TEX9: variants seen among roughly 807,000 people sequenced by gnomAD.
TEX9 encodes testis-expressed protein 9.
In TEX9, 74 loss-of-function variants were observed where a neutral mutation model predicts 59.6. The ratio of observed to expected loss-of-function variants is 1.24; its 90% confidence interval spans 1.03 to 1.51. The LOEUF (loss-of-function observed/expected upper bound fraction) is 1.51, where lower values mean the gene tolerates loss of function less well. Among genes scored for constraint, TEX9 ranks in the 40% most tolerant of loss-of-function variants. The pLI is 0.00. For synonymous variants in TEX9, 186 were observed against 152.2 expected (o/e 1.22, Z -1.64); for missense variants, 522 against 447.8 (o/e 1.17, Z -1.49).
At chr15:56,323,988 C>T (rs559665822) in intron 1 of TEX9, among the ~76,000 whole-genome samples, 4 of 152,072 alleles carry the variant, frequency 2.6e-5, no homozygotes, top group African/African-American at 9.6e-5. Flanking sequence ...ATATCATGCC[C>T]TGGTAGTATT....
intron 9 of TEX9, among the ~76,000 whole-genome samples, chr15:56,410,799 G>A (rs904379047): frequency 6.6e-6 from 1 of 152,182 alleles, no homozygotes; most frequent in Non-Finnish European, 1.5e-5. Context: ...ACTGAAATGA[G>A]GCAGCAAGAA....
chr15:56,275,676 C>G (rs1027796554), intron 1 of TEX9, among the ~76,000 whole-genome samples: 1 of 151,976 alleles, frequency 6.6e-6, no homozygotes, highest in Non-Finnish European at 1.5e-5. Flanking sequence ...TTTTTTTAAC[C>G]CACACGACTT....
At chr15:56,267,850 T>C (rs555246963) in intron 1 of TEX9, among the ~76,000 whole-genome samples, 2 of 152,340 alleles carry the variant, frequency 1.3e-5, no homozygotes, top group South Asian at 2.1e-4. Context: ...AGTAGTTTTT[T>C]CCAATTCTAT....
intron 10 of TEX9, among the ~76,000 whole-genome samples, chr15:56,426,626 T>TATATATATACACACACAC (rs1214988827): frequency 2.1e-5 from 1 of 47,200 alleles, no homozygotes; most frequent in African/African-American, 5.3e-5. Flanking sequence ...TATATATATA[T>TATATATATACACACACAC]ACACACACAC....
chr15:56,351,924 TTTTA>T (rs1211688204), intron 1 of TEX9, among the ~76,000 whole-genome samples: 2 of 152,200 alleles, frequency 1.3e-5, no homozygotes, highest in Admixed American at 1.3e-4. Flanking sequence ...TTTATTTTGG[TTTTA>T]TTTAACTCCC....
At chr15:56,293,447 T>C (rs1431141865) in intron 1 of TEX9, among the ~76,000 whole-genome samples, 3 of 152,112 alleles carry the variant, frequency 2.0e-5, no homozygotes, top group Admixed American at 2.0e-4. Flanking sequence ...ACTTGGCATG[T>C]AGTAAAGAAT....
At chr15:56,371,490 T>A (rs1299232708) in intron 2 of TEX9, among the ~76,000 whole-genome samples, 1 of 152,130 alleles carries the variant, frequency 6.6e-6, no homozygotes, top group African/African-American at 2.4e-5. Flanking sequence ...ATGCTAATTT[T>A]AAAATCTTTT....
At chr15:56,293,781 T>C (rs1296871869) in intron 1 of TEX9, among the ~76,000 whole-genome samples, 1 of 152,182 alleles carries the variant, frequency 6.6e-6, no homozygotes. Context: ...GTGTCTCACA[T>C]TGTGGCTGGA....
chr15:56,351,747 A>G (rs2046584694), intron 1 of TEX9, among the ~76,000 whole-genome samples: 1 of 152,218 alleles, frequency 6.6e-6, no homozygotes, highest in Non-Finnish European at 1.5e-5. Flanking sequence ...ATCATTTTCA[A>G]TATAGGCACA....
intron 2 of TEX9, among the ~76,000 whole-genome samples, chr15:56,373,140 G>T (rs923167308): frequency 1.3e-5 from 2 of 152,142 alleles, no homozygotes; most frequent in Non-Finnish European, 2.9e-5. Context: ...GTGGTGAGTG[G>T]AACAGAGTTG....
chr15:56,449,973 T>C (rs1176077369), downstream of TEX9, among the ~76,000 whole-genome samples: 1 of 152,198 alleles, frequency 6.6e-6, no homozygotes, highest in East Asian at 1.9e-4. Flanking sequence ...GTCGTCAATT[T>C]TATTCACCTT....
upstream of TEX9, among the ~76,000 whole-genome samples, chr15:56,364,878 G>C (rs2046867714): frequency 6.6e-6 from 1 of 152,114 alleles, no homozygotes. Context: ...CTGTGAAGTG[G>C]GCACTATTCT....
In TEX9 at chr15:56,302,646, GAGA is replaced by G. The variant is rs1474095244; in HGVS notation, c.-107+58372_-107+58374del. On this transcript the variant is annotated intron_variant, in intron 1 of 5. Coordinates refer to the TEX9 transcript ENST00000560827. ...AGAAAGGAAGAAAAGAAGGAAGGAA[GAGA>G]AGACTACAAAACAACCAGATAACAA... Among the ~76,000 whole-genome samples, 517 of 152,184 alleles carry G rather than the reference GAGA, an allele frequency of 3.4e-3. 3 individuals are homozygous for G. The highest frequency in any genetic ancestry group is 0.012 in the African/African-American group (499 of 41,526).
At chr15:56,413,628 C>T (rs1387584982) in intron 10 of TEX9, among the ~76,000 whole-genome samples, 2 of 151,552 alleles carry the variant, frequency 1.3e-5, no homozygotes, top group Non-Finnish European at 2.9e-5. Flanking sequence ...AGGAAGTAAA[C>T]GTCAGTAGAA....
At chr15:56,444,594 T>A (rs1256615388) in intron 12 of TEX9, 1 of 1,613,450 alleles carries the variant, frequency 6.2e-7, no homozygotes, top group Non-Finnish European at 8.5e-7. Context: ...TTTGTTTCGT[T>A]TGTCTTCTGC....
chr15:56,244,077 G>A (rs1478921120), exon 1 of TEX9: 3 of 151,724 alleles, frequency 2.0e-5, no homozygotes, highest in African/African-American at 7.3e-5. Flanking sequence ...GGAAAACGTG[G>A]GGGAGGTGCT....
At chr15:56,286,794 TTAC>T (rs2044963656) in intron 1 of TEX9, among the ~76,000 whole-genome samples, 1 of 152,220 alleles carries the variant, frequency 6.6e-6, no homozygotes, top group African/African-American at 2.4e-5. Flanking sequence ...GATGTTCAAA[TTAC>T]TACATCTTTA....
intron 1 of TEX9, among the ~76,000 whole-genome samples, chr15:56,264,517 C>G (rs1358960579): frequency 6.6e-6 from 1 of 152,160 alleles, no homozygotes; most frequent in African/African-American, 2.4e-5. Flanking sequence ...ATATTTTTCT[C>G]TCAGTCTGTT....
chr15:56,389,057 C>G (rs1428138260), intron 5 of TEX9, among the ~76,000 whole-genome samples: 1 of 152,000 alleles, frequency 6.6e-6, no homozygotes, highest in African/African-American at 2.4e-5. Flanking sequence ...CAGATTTATT[C>G]ATGACATTCC....
Sources: gnomAD v4.1 joint callset for allele counts (sites outside exome capture counted in the v4.1 genomes callset) on GRCh38, gnomAD v4.1.1 for gene constraint, MANE v1.5 for transcripts, NCBI Gene and HGNC (gene_info 2026-07-23, HGNC 2026-07-21) for gene names.